The following IQCM variants were observed in gnomAD, a reference collection of about 807,000 sequenced individuals.
IQCM encodes IQ domain-containing protein M.
A neutral mutation model predicts 57.6 loss-of-function variants in IQCM; 45 were observed. That is an observed-to-expected ratio of 0.78 (90% confidence interval 0.62 to 1.00). The LOEUF is 1.00. Ranked by LOEUF, IQCM falls within the 50% of genes least tolerant of loss-of-function variation. The pLI, the probability that IQCM is intolerant of heterozygous loss-of-function variation, is 0.00. For missense variants in IQCM, 468 were observed against 511.6 expected, an observed-to-expected ratio of 0.91 and a Z score of 0.82; for synonymous variants, 148 against 158.9, an observed-to-expected ratio of 0.93 and a Z score of 0.51.
chr4:149,413,548 T>C (rs1275293070), intron 13 of IQCM, among the ~76,000 whole-genome samples: 2 of 152,064 alleles, frequency 1.3e-5, no homozygotes, highest in Non-Finnish European at 2.9e-5. Flanking sequence ...GTACTCTTCT[T>C]CTGCATGCTC....
At chr4:149,386,589 T>C (rs1457242845) in intron 13 of IQCM, among the ~76,000 whole-genome samples, 1 of 152,080 alleles carries the variant, frequency 6.6e-6, no homozygotes, top group African/African-American at 2.4e-5. Context: ...AAAGCCATAT[T>C]CAAAACTGTT....
intron 13 of IQCM, among the ~76,000 whole-genome samples, chr4:149,422,946 C>G (rs971685158): frequency 6.6e-6 from 1 of 151,958 alleles, no homozygotes; most frequent in Non-Finnish European, 1.5e-5. Flanking sequence ...AAATTTTTTG[C>G]AATCCACTTT....
At chr4:149,388,814 C>T (rs115572181) in intron 13 of IQCM, among the ~76,000 whole-genome samples, 340 of 147,634 alleles carry the variant, frequency 2.3e-3, no homozygotes, top group African/African-American at 8.2e-3. Context: ...AAGGACTATC[C>T]TCATTCTTTG....
At chr4:149,637,137 G>A (rs1194991232) in intron 7 of IQCM, among the ~76,000 whole-genome samples, 44 of 130,362 alleles carry the variant, frequency 3.4e-4, no homozygotes, top group Admixed American at 1.1e-3. Context: ...GCGACAGAGC[G>A]AGACTCCGTC....
chr4:149,465,944 G>A (rs1278304467), intron 12 of IQCM, among the ~76,000 whole-genome samples: 1 of 152,188 alleles, frequency 6.6e-6, no homozygotes, highest in African/African-American at 2.4e-5. Flanking sequence ...GTGGCAGGGT[G>A]TCAACCTTAT....
rs569070142 is a variant in IQCM, at chr4:149,474,773, A to G, written c.1229-41216T>C. The stretch of plus-strand genomic sequence containing the variant: ...AATAAAAACAGAGTAGACGTAACTG[A>G]GAAGTATCATTTGAGCTAAGACTTA... On this transcript the variant is annotated intron_variant, in intron 12 of 13. Transcript: ENST00000636793. Among the ~76,000 whole-genome samples the G allele has an allele frequency of 7.2e-5, 11 of 152,112 alleles. 1 individual carries two copies. The South Asian group carries it at 2.1e-3, about 29-fold the overall frequency.
intron 12 of IQCM, among the ~76,000 whole-genome samples, chr4:149,510,965 T>A (rs1225375741): frequency 6.6e-6 from 1 of 152,170 alleles, no homozygotes; most frequent in South Asian, 2.1e-4. Context: ...AAAGGCATAC[T>A]TTTTTTATAA....
intron 2 of IQCM, among the ~76,000 whole-genome samples, chr4:149,779,611 A>G (rs1771415923): frequency 6.6e-6 from 1 of 152,200 alleles, no homozygotes; most frequent in Non-Finnish European, 1.5e-5. Context: ...AATGGACTAA[A>G]TATAAAATGT....
intron 13 of IQCM, among the ~76,000 whole-genome samples, chr4:149,394,942 T>A (rs1290895411): frequency 6.6e-6 from 1 of 152,026 alleles, no homozygotes; most frequent in Non-Finnish European, 1.5e-5. Context: ...TGAGGTCATA[T>A]CACTCACTCC....
At chr4:149,610,965 A>G (rs539586826) in intron 8 of IQCM, among the ~76,000 whole-genome samples, 26 of 152,164 alleles carry the variant, frequency 1.7e-4, no homozygotes, top group Non-Finnish European at 5.9e-5. Context: ...ATTACCACCT[A>G]ACAAGTGATT....
At chr4:149,752,940 C>A (rs760834689) in intron 2 of IQCM, among the ~76,000 whole-genome samples, 11 of 152,186 alleles carry the variant, frequency 7.2e-5, no homozygotes, top group Non-Finnish European at 1.3e-4. Flanking sequence ...GCCACACCAA[C>A]ACTGACTCAG....
In IQCM at chr4:149,472,202, G is replaced by A. The variant is rs148679086; in HGVS notation, c.1229-38645C>T. Among the ~76,000 whole-genome samples, 555 of 152,258 alleles carry A rather than the reference G, an allele frequency of 3.6e-3. 2 individuals are homozygous for A. The highest frequency in any genetic ancestry group is 0.012 in the African/African-American group (518 of 41,542). The stretch of plus-strand genomic sequence containing the variant: ...AATTGTCCCTGTTTGCAGCTGACAT[G>A]GTTGTATATTTAGAAAACCCCATCA... On this transcript the variant is annotated intron_variant, in intron 12 of 13. Transcript: ENST00000636793.
chr4:149,608,848 A>C (rs1455893120), intron 8 of IQCM, among the ~76,000 whole-genome samples: 1 of 151,870 alleles, frequency 6.6e-6, no homozygotes, highest in Non-Finnish European at 1.5e-5. Flanking sequence ...TTAAAGAACA[A>C]GAAAAGCAAG....
chr4:149,747,644 A>G (rs1768053274), intron 2 of IQCM, among the ~76,000 whole-genome samples: 1 of 152,230 alleles, frequency 6.6e-6, no homozygotes, highest in Admixed American at 6.5e-5. Flanking sequence ...ATTTATAATT[A>G]CATAATTAAA....
chr4:149,766,134 G>A (rs1356890076), intron 2 of IQCM, among the ~76,000 whole-genome samples: 1 of 152,016 alleles, frequency 6.6e-6, no homozygotes, highest in Non-Finnish European at 1.5e-5. Flanking sequence ...TGGCTTTTCT[G>A]TGCAGCAGGC....
intron 7 of IQCM, among the ~76,000 whole-genome samples, chr4:149,629,197 C>T (rs1045733893): frequency 2.6e-5 from 4 of 152,134 alleles, no homozygotes; most frequent in African/African-American, 9.7e-5. Context: ...CTCACAGTTT[C>T]TATTCTGCAT....
intron 12 of IQCM, among the ~76,000 whole-genome samples, chr4:149,457,182 C>A (rs970478183): frequency 2.6e-5 from 4 of 152,086 alleles, no homozygotes; most frequent in South Asian, 2.1e-4. Context: ...TTGCTTATAA[C>A]TAGAGTTACA....
rs1737337748 is a variant in IQCM at position 149,453,329 on chromosome 4, C to T, written c.1229-19772G>A. On this transcript the variant is annotated intron_variant, in intron 12 of 13. Coordinates refer to ENST00000636793, the MANE Select transcript of IQCM (RefSeq NM_001363507.2). ...CCTAAATATAACAACACCAAACTCA[C>T]AATGACAAAAGACAAAAACTCGGTA... Among the ~76,000 whole-genome samples the T allele has an allele frequency of 2.0e-5, 3 of 151,546 alleles. No individual in the cohort carries two copies. The South Asian group carries it at 6.2e-4, about 31-fold the overall frequency.
At chr4:149,474,537 G>A (rs13125581) in intron 12 of IQCM, among the ~76,000 whole-genome samples, 4 of 138,548 alleles carry the variant, frequency 2.9e-5, no homozygotes, top group East Asian at 2.2e-4. Context: ...GTGAAACCCC[G>A]TCACTACTAA....
Sources: allele counts gnomAD v4.1 joint callset (sites outside exome capture counted in the v4.1 genomes callset), GRCh38; gene constraint gnomAD v4.1.1; transcripts MANE v1.5; gene names NCBI Gene and HGNC (gene_info 2026-07-23, HGNC 2026-07-21).